ASB4: variants seen among roughly 807,000 people sequenced by gnomAD.
ASB4 encodes ankyrin repeat and SOCS box containing 4.
ASB4 carries 35 observed loss-of-function variants against 38.6 expected under a neutral mutation model. That is an observed-to-expected ratio of 0.91 (90% CI 0.69 to 1.20). ASB4 has a LOEUF of 1.20. ASB4 is among the 50% of genes most tolerant of loss of function. The pLI is 0.00. For missense variants in ASB4, 557 were observed against 527.2 expected, an observed-to-expected ratio of 1.06 and a Z score of -0.55; for synonymous variants, 195 against 201.3, an observed-to-expected ratio of 0.97 and a Z score of 0.26.
intron 2 of ASB4, among the ~76,000 whole-genome samples, chr7:95,506,803 G>C (rs1020563047): frequency 1.3e-5 from 2 of 150,040 alleles, no homozygotes; most frequent in African/African-American, 4.9e-5. Context: ...TTGTCTATCA[G>C]TTCTGAAAAA....
Position 95,527,869 on chromosome 7 carries a change from G to A in ASB4, c.544G>A (p.Ala182Thr), listed in dbSNP as rs1225982392. 2 of 1,613,526 alleles carry A rather than the reference G, an allele frequency of 1.2e-6. No homozygotes were observed. The highest frequency in any genetic ancestry group is 4.5e-5 in the East Asian group (2 of 44,858). The change falls in exon 3 of 5, where the codon GCT (alanine) becomes ACT (threonine). Residue 182 changes from alanine to threonine, a missense_variant. Coordinates refer to ENST00000325885, the MANE Select transcript of ASB4 (RefSeq NM_016116.3). The part of the protein sequence containing the change: ...NQDEETPLHT[A>T]AHFGLSELVA... ...AGATGAGGAGACGCCCTTGCACACG[G>A]CTGCCCACTTCGGCCTTTCGGAGCT...
intron 2 of ASB4, among the ~76,000 whole-genome samples, chr7:95,519,957 C>T (rs982408483): frequency 2.0e-5 from 3 of 151,300 alleles, no homozygotes; most frequent in African/African-American, 7.3e-5. Context: ...TGAATATGAA[C>T]AATGTTTCAA....
In ASB4 at chr7:95,486,055, T is replaced by C; in HGVS notation, c.84T>C (p.Asn28=). The change falls in exon 1 of 5, where the codon AAT becomes AAC. Residue 28 remains asparagine, a synonymous_variant. Transcript: ENST00000325885. ...KRNFLEALKS[N]DFGKLKAILI... The stretch of plus-strand genomic sequence containing the variant: ...ATTTCCTTGAGGCGCTAAAGTCCAA[T>C]GACTTCGGAAAATTGAAGGCTATTT... 1 of 1,614,202 alleles carries C rather than the reference T, an allele frequency of 6.2e-7. No individual in the cohort carries two copies. The highest frequency in any genetic ancestry group is 8.5e-7 in the Non-Finnish European group (1 of 1,180,026).
chr7:95,511,938 G>A (rs1790487971), intron 2 of ASB4, among the ~76,000 whole-genome samples: 1 of 152,094 alleles, frequency 6.6e-6, no homozygotes, highest in South Asian at 2.1e-4. Context: ...TTAGTCTCGG[G>A]ACTGCCTTGG....
At chr7:95,496,141 G>T in intron 2 of ASB4, 84 bp downstream of exon 2, 1 of 1,307,048 alleles carries the variant, frequency 7.7e-7, no homozygotes, top group Non-Finnish European at 1.1e-6. Flanking sequence ...TACCCCAGAT[G>T]ATGTAGTAAG....
At chr7:95,546,924 T>C in the ASB4 span, among the ~76,000 whole-genome samples, 1 of 152,218 alleles carries the variant, frequency 6.6e-6, no homozygotes, top group African/African-American at 2.4e-5. Context: ...TTGGCCTTCA[T>C]TGGGAAACTG....
At chr7:95,495,194 G>A (rs1464634444) in intron 1 of ASB4, among the ~76,000 whole-genome samples, 1 of 152,104 alleles carries the variant, frequency 6.6e-6, no homozygotes, top group East Asian at 1.9e-4. Context: ...AAGCGATATT[G>A]CATAAATCAA....
chr7:95,483,273 T>C (rs1790039269), upstream of ASB4, among the ~76,000 whole-genome samples: 1 of 152,226 alleles, frequency 6.6e-6, no homozygotes, highest in African/African-American at 2.4e-5. Flanking sequence ...ATTCACTTGA[T>C]ACACGTGGTC....
intron 2 of ASB4, among the ~76,000 whole-genome samples, chr7:95,507,425 G>GACTTC (rs1790425633): frequency 1.3e-5 from 2 of 152,112 alleles, no homozygotes; most frequent in East Asian, 3.9e-4. Context: ...TCTTAGTTCA[G>GACTTC]ACTTCACTTC....
At chr7:95,480,621 C>A (rs1585790105) in intron 1 of ASB4, among the ~76,000 whole-genome samples, 1 of 152,154 alleles carries the variant, frequency 6.6e-6, no homozygotes, top group Admixed American at 6.5e-5. Flanking sequence ...GGACACAAAC[C>A]ACATAACCAG....
At chr7:95,550,483 CT>C in the ASB4 span, among the ~76,000 whole-genome samples, 1 of 152,200 alleles carries the variant, frequency 6.6e-6, no homozygotes, top group African/African-American at 2.4e-5. Flanking sequence ...ATTACCGCCC[CT>C]CTGTGCTCCT....
rs745538348 is a variant in ASB4 at position 95,527,941 on chromosome 7, GCCCA to G, written c.618_621del (p.His207TrpfsTer63). ...CGGGGCCATAGTGGACAGCGTGAAT[GCCCA>G]CATGGAGACCCCCCTGGCCATCGCC... On this transcript the variant is annotated frameshift_variant, in exon 3 of 5. Transcript: ENST00000325885. LOFTEE classifies it high-confidence loss of function. The G allele has an allele frequency of 1.2e-6, 2 of 1,614,022 alleles. No homozygotes were observed. The highest frequency in any genetic ancestry group is 1.7e-5 in the Admixed American group (1 of 60,000).
chr7:95,509,061 G>A (rs1317621207), intron 2 of ASB4, among the ~76,000 whole-genome samples: 1 of 152,190 alleles, frequency 6.6e-6, no homozygotes, highest in African/African-American at 2.4e-5. Flanking sequence ...GAGACCAGGA[G>A]ATTGGGTGGG....
At chr7:95,489,925 C>G (rs1222757115) in intron 1 of ASB4, among the ~76,000 whole-genome samples, 2 of 152,200 alleles carry the variant, frequency 1.3e-5, no homozygotes, top group Non-Finnish European at 2.9e-5. Flanking sequence ...AAAACTGTTT[C>G]CAAAGGCTTT....
At chr7:95,542,970 T>C (rs1790990355), downstream of ASB4, 2 of 152,198 alleles carry the variant, frequency 1.3e-5, no homozygotes, top group Admixed American at 1.3e-4. Flanking sequence ...ACAGCTATCA[T>C]GCTGGGGTGT....
intron 3 of ASB4, among the ~76,000 whole-genome samples, chr7:95,528,972 T>C (rs1790783860): frequency 6.6e-6 from 1 of 152,174 alleles, no homozygotes; most frequent in Non-Finnish European, 1.5e-5. Flanking sequence ...TCTACTCTTA[T>C]GATATCACAC....
intron 2 of ASB4, among the ~76,000 whole-genome samples, chr7:95,499,530 C>A (rs1227756521): frequency 1.3e-5 from 2 of 152,156 alleles, no homozygotes; most frequent in Admixed American, 1.3e-4. Context: ...AGAGTTATCA[C>A]TGACAAAAAT....
At chr7:95,523,463 A>T (rs952605474) in intron 2 of ASB4, among the ~76,000 whole-genome samples, 1 of 152,256 alleles carries the variant, frequency 6.6e-6, no homozygotes, top group Non-Finnish European at 1.5e-5. Context: ...ATAATTACAG[A>T]GAAAGTGTCT....
chr7:95,548,034 A>G, the ASB4 span, among the ~76,000 whole-genome samples: 1 of 152,234 alleles, frequency 6.6e-6, no homozygotes, highest in Non-Finnish European at 1.5e-5. Flanking sequence ...AATATGCTGT[A>G]AACACTCTTG....
Sources: gnomAD v4.1 joint callset for allele counts (sites outside exome capture counted in the v4.1 genomes callset) on GRCh38, gnomAD v4.1.1 for gene constraint, MANE v1.5 for transcripts, NCBI Gene and HGNC (gene_info 2026-07-23, HGNC 2026-07-21) for gene names.